FGF12: variants seen among roughly 807,000 people sequenced by gnomAD.
FGF12 encodes fibroblast growth factor 12B.
In FGF12, 14 loss-of-function variants were observed where a neutral mutation model predicts 23.6. The ratio of observed to expected loss-of-function variants is 0.59; its 90% CI spans 0.39 to 0.93. FGF12 has a LOEUF of 0.93. Among genes scored for constraint, FGF12 ranks in the 40% least tolerant of loss-of-function variants. FGF12 has a pLI of 0.00. For synonymous variants in FGF12, 62 were observed against 77.3 expected, an observed-to-expected ratio of 0.80 and a Z score of 1.04; for missense variants, 175 against 217.8, an observed-to-expected ratio of 0.80 and a Z score of 1.24.
At chr3:192,303,565 C>T (rs1156287549) in intron 4 of FGF12, among the ~76,000 whole-genome samples, 1 of 152,184 alleles carries the variant, frequency 6.6e-6, no homozygotes, top group African/African-American at 2.4e-5. Flanking sequence ...TTTACATTCC[C>T]ATGCACCAGG....
intron 4 of FGF12, among the ~76,000 whole-genome samples, chr3:192,280,103 TA>T (rs1051710740): frequency 6.6e-6 from 1 of 152,186 alleles, no homozygotes; most frequent in Non-Finnish European, 1.5e-5. Flanking sequence ...CAAAGAAGCC[TA>T]AATGTGTTTT....
At chr3:192,349,561 A>G (rs1208279223) in intron 3 of FGF12, among the ~76,000 whole-genome samples, 1 of 152,084 alleles carries the variant, frequency 6.6e-6, no homozygotes, top group Non-Finnish European at 1.5e-5. Flanking sequence ...TGCTTATTTT[A>G]AGAAAATGAT....
chr3:192,686,780 A>G (rs1470642107), intron 2 of FGF12, among the ~76,000 whole-genome samples: 1 of 150,384 alleles, frequency 6.6e-6, no homozygotes, highest in Non-Finnish European at 1.5e-5. Flanking sequence ...TCGAGAACTT[A>G]AAGTACAAAA....
chr3:192,457,767 T>C (rs897310753), intron 2 of FGF12, among the ~76,000 whole-genome samples: 1 of 152,164 alleles, frequency 6.6e-6, no homozygotes, highest in African/African-American at 2.4e-5. Context: ...GAAATTTGAA[T>C]AAGTAGCAAG....
intron 2 of FGF12, among the ~76,000 whole-genome samples, chr3:192,608,591 A>G (rs1408426031): frequency 6.6e-6 from 1 of 152,178 alleles, no homozygotes; most frequent in Non-Finnish European, 1.5e-5. Context: ...ATTTCAGGTC[A>G]GATAAACAGT....
intron 2 of FGF12, among the ~76,000 whole-genome samples, chr3:192,364,333 C>G (rs1012976785): frequency 2.0e-5 from 3 of 152,104 alleles, no homozygotes; most frequent in Non-Finnish European, 4.4e-5. Flanking sequence ...TAAAATTATG[C>G]TCTTCCATTA....
At chr3:192,677,081 C>A (rs1717351299) in intron 2 of FGF12, among the ~76,000 whole-genome samples, 1 of 152,176 alleles carries the variant, frequency 6.6e-6, no homozygotes, top group African/African-American at 2.4e-5. Flanking sequence ...TGACTGTTGT[C>A]CTAACCCCAG....
At position 192,223,321 on chromosome 3, in the gene FGF12, C is replaced by CAT. The variant is rs1396012424; in HGVS notation, c.229-52667_229-52666dup. 2.6e-5 allele frequency among the ~76,000 whole-genome samples: 4 copies of CAT among 152,246 alleles called. No homozygotes were observed. In the East Asian group the frequency reaches 7.7e-4, roughly 29 times the overall value. The stretch of plus-strand genomic sequence containing the variant: ...AATGGTTAACAAGTAAATATCAGTG[C>CAT]ATAGCTACTGTCACATTTGAGTTTT... On this transcript the variant is annotated intron_variant, in intron 4 of 5. Coordinates refer to ENST00000445105, the MANE Select transcript of FGF12 (RefSeq NM_004113.6).
At chr3:192,425,535 A>G (rs1034058401) in intron 2 of FGF12, among the ~76,000 whole-genome samples, 9 of 152,236 alleles carry the variant, frequency 5.9e-5, no homozygotes, top group Non-Finnish European at 1.3e-4. Context: ...ATCATTTCTC[A>G]TATGTCAAAC....
In FGF12 at chr3:192,302,553, T is replaced by C. The variant is rs73887270; in HGVS notation, c.228+32808A>G. 5.8e-3 allele frequency among the ~76,000 whole-genome samples: 876 copies of C among 152,300 alleles called. 11 individuals are homozygous for C. Among genetic ancestry groups the C allele is most frequent in the African/African-American group, 0.02 (833 of 41,550 alleles). ...TGGGGATTTAAGGAGGGGTGTTTAC[T>C]AAGACCAGGCACGGGACTAGGTCCC... On this transcript the variant is annotated intron_variant, in intron 4 of 5. Coordinates refer to ENST00000445105, the MANE Select transcript of FGF12 (RefSeq NM_004113.6).
Position 192,657,241 on chromosome 3 carries a change from C to T in FGF12, c.13+69940G>A, listed in dbSNP as rs544888498. 1.4e-4 allele frequency among the ~76,000 whole-genome samples: 22 copies of T among 151,788 alleles called. 1 individual carries two copies. Among genetic ancestry groups the T allele is most frequent in the South Asian group, 4.2e-4 (2 of 4,814 alleles). ...TTAATCTTCCCTTAACATGTCAGGG[C>T]GGTTATGATGAATATCCACATTGTT... On this transcript the variant is annotated intron_variant, in intron 2 of 5. Transcript: ENST00000445105.
chr3:192,592,166 A>T (rs79440445), intron 2 of FGF12, among the ~76,000 whole-genome samples: 5,150 of 152,010 alleles, frequency 0.034, 209 homozygotes, highest in Non-Finnish European at 0.057. Context: ...CTGATAGAGT[A>T]AACAGACATT....
chr3:192,600,113 C>T (rs897795561), intron 2 of FGF12, among the ~76,000 whole-genome samples: 1 of 152,008 alleles, frequency 6.6e-6, no homozygotes, highest in African/African-American at 2.4e-5. Flanking sequence ...TATAGTTATC[C>T]TGTTTTCCCA....
At chr3:192,594,199 T>C (rs1464906509) in intron 2 of FGF12, among the ~76,000 whole-genome samples, 1 of 151,842 alleles carries the variant, frequency 6.6e-6, no homozygotes, top group Non-Finnish European at 1.5e-5. Flanking sequence ...ATAAAATGAA[T>C]AGAATGAGTG....
chr3:192,652,465 C>G (rs1716249087), intron 2 of FGF12, among the ~76,000 whole-genome samples: 1 of 152,142 alleles, frequency 6.6e-6, no homozygotes, highest in Admixed American at 6.5e-5. Flanking sequence ...GCCAGACCAG[C>G]CCTGAGGCAG....
intron 4 of FGF12, among the ~76,000 whole-genome samples, chr3:192,232,547 T>A (rs867623253): frequency 1.2e-5 from 1 of 86,108 alleles, no homozygotes; most frequent in African/African-American, 5.5e-5. Context: ...TTATTTATTT[T>A]TCTTTTCCAC....
At chr3:192,168,802 C>T (rs1255932593) in intron 5 of FGF12, among the ~76,000 whole-genome samples, 1 of 152,044 alleles carries the variant, frequency 6.6e-6, no homozygotes, top group Non-Finnish European at 1.5e-5. Flanking sequence ...GTGAGCTAAC[C>T]ATGAATAAGA....
rs1454484271 is a variant in FGF12, at chr3:192,336,281, G to T, written c.125-817C>A. ...CCTAAGATGAAATGGAAACATGCTT[G>T]CAGTCTTTACATATTCGAGTTGCTC... On this transcript the variant is annotated intron_variant, in intron 3 of 5. Transcript: ENST00000445105. The surrounding 1 kb of genome is among the most constrained non-coding windows in gnomAD (Gnocchi z 4.3). 6.6e-6 allele frequency among the ~76,000 whole-genome samples: 1 copy of T among 151,766 alleles called. No homozygotes were observed. The highest frequency in any genetic ancestry group is 1.5e-5 in the Non-Finnish European group (1 of 67,940).
chr3:192,214,616 T>TA (rs1718096487), intron 4 of FGF12, among the ~76,000 whole-genome samples: 1 of 152,224 alleles, frequency 6.6e-6, no homozygotes, highest in South Asian at 2.1e-4. Context: ...TTTCAGTTGT[T>TA]ATGATGAAGC....
Sources: gnomAD v4.1 joint callset for allele counts (sites outside exome capture counted in the v4.1 genomes callset) on GRCh38, gnomAD v4.1.1 for gene constraint, Gnocchi (gnomAD v3.1) non-coding constraint, MANE v1.5 for transcripts, NCBI Gene and HGNC (gene_info 2026-07-23, HGNC 2026-07-21) for gene names.